RPS6KA1: variants seen among roughly 807,000 people sequenced by gnomAD.
The protein encoded by RPS6KA1 is ribosomal protein S6 kinase A1.
A neutral mutation model predicts 91.3 loss-of-function variants in RPS6KA1; 48 were observed. The ratio of observed to expected loss-of-function variants is 0.53; its 90% CI spans 0.42 to 0.67. The LOEUF (loss-of-function observed/expected upper bound fraction) is 0.67, where lower values mean the gene tolerates loss of function less well. Among genes scored for constraint, RPS6KA1 ranks in the 30% least tolerant of loss-of-function variants. RPS6KA1 has a pLI of 0.00. For missense variants in RPS6KA1, 719 were observed against 960.5 expected (o/e 0.75, Z 3.32); for synonymous variants, 359 against 384.7 (o/e 0.93, Z 0.78).
chr1:26,544,685 A>G (rs1038459141), intron 2 of RPS6KA1, among the ~76,000 whole-genome samples: 9 of 151,782 alleles, frequency 5.9e-5, no homozygotes, highest in Non-Finnish European at 1.2e-4. Flanking sequence ...CGTGTTAGCC[A>G]GGATGGTCTC....
intron 17 of RPS6KA1, among the ~76,000 whole-genome samples, chr1:26,563,659 CAT>C (rs2076173968): frequency 6.6e-6 from 1 of 152,224 alleles, no homozygotes; most frequent in South Asian, 2.1e-4. Context: ...ATGCCACCGA[CAT>C]ATTGTATATG....
intron 1 of RPS6KA1, 63 bp downstream of exon 1, chr1:26,530,046 G>C: frequency 8.5e-7 from 1 of 1,169,692 alleles, no homozygotes; most frequent in Non-Finnish European, 1.1e-6. Flanking sequence ...CACAGGGGCG[G>C]GGCGGCCCGA....
chr1:26,573,492 C>A, intron 21 of RPS6KA1, 131 bp downstream of exon 21: 1 of 1,065,916 alleles, frequency 9.4e-7, no homozygotes, highest in Non-Finnish European at 1.4e-6. Context: ...GAGAAGAAGA[C>A]ACAGCCCTGC....
intron 1 of RPS6KA1, among the ~76,000 whole-genome samples, chr1:26,532,012 A>G (rs909755259): frequency 6.6e-6 from 1 of 152,052 alleles, no homozygotes; most frequent in Non-Finnish European, 1.5e-5. Context: ...AGGCACCACC[A>G]CTGCTGGCAG....
intron 17 of RPS6KA1, among the ~76,000 whole-genome samples, chr1:26,567,044 TC>T (rs1167581362): frequency 6.6e-6 from 1 of 150,450 alleles, no homozygotes; most frequent in African/African-American, 2.5e-5. Context: ...TGAGACAGGG[TC>T]TCACTCTGTC....
intron 15 of RPS6KA1, 76 bp from the exon 16 acceptor site, chr1:26,560,969 C>T (rs567600512): frequency 2.3e-5 from 37 of 1,596,788 alleles, no homozygotes; most frequent in Admixed American, 3.3e-5. Context: ...GCCGAGACCT[C>T]CTGGCCTGCT....
intron 6 of RPS6KA1, among the ~76,000 whole-genome samples, chr1:26,552,243 C>T (rs1432376774): frequency 6.6e-6 from 1 of 151,810 alleles, no homozygotes; most frequent in Non-Finnish European, 1.5e-5. Context: ...CAAAAATTAG[C>T]TGGGTATGGT....
intron 19 of RPS6KA1, 70 bp from the exon 20 acceptor site, chr1:26,572,106 C>A: frequency 1.4e-6 from 2 of 1,403,824 alleles, no homozygotes; most frequent in Non-Finnish European, 2.0e-6. Context: ...GAGACACAGT[C>A]TCCCACCGCA....
At chr1:26,550,368 G>C (rs752540560) in intron 4 of RPS6KA1, among the ~76,000 whole-genome samples, 18 of 151,642 alleles carry the variant, frequency 1.2e-4, no homozygotes, top group Non-Finnish European at 1.8e-4. Context: ...TTTTTTACTA[G>C]AGACAGGGTT....
intron 1 of RPS6KA1, among the ~76,000 whole-genome samples, chr1:26,531,915 G>A (rs1166194010): frequency 1.3e-5 from 2 of 152,180 alleles, no homozygotes; most frequent in Non-Finnish European, 2.9e-5. Flanking sequence ...CACGGCGCAG[G>A]TTGGGCTGTT....
Position 26,571,686 on chromosome 1 carries a change from A to G in RPS6KA1, c.1752+76A>G. 1 of 1,546,776 alleles carries G rather than the reference A, an allele frequency of 6.5e-7. No homozygotes were observed. Among genetic ancestry groups the G allele is most frequent in the Non-Finnish European group, 8.8e-7 (1 of 1,138,678 alleles). ...TTGTGCCCCCTCCCAGAGGCCCCAC[A>G]TTAGCCGGGACTCCAGTCTCTGTGA... is the stretch of plus-strand genomic sequence containing the variant. On this transcript the variant is annotated intron_variant, in intron 18 of 21. Coordinates refer to ENST00000374168, the MANE Select transcript of RPS6KA1 (RefSeq NM_002953.4). The surrounding 1 kb of genome is among the most constrained non-coding windows in gnomAD (Gnocchi z 5.1).
chr1:26,557,142 G>A, intron 13 of RPS6KA1, 42 bp downstream of exon 13: 1 of 1,535,116 alleles, frequency 6.5e-7, no homozygotes, highest in Non-Finnish European at 9.0e-7. Context: ...GCTGGTACAG[G>A]AGGGAAGCCG....
intron 6 of RPS6KA1, among the ~76,000 whole-genome samples, chr1:26,552,564 G>T (rs1260046720): frequency 6.4e-5 from 9 of 141,602 alleles, no homozygotes; most frequent in Non-Finnish European, 1.2e-4. Flanking sequence ...TCAGCTCACT[G>T]CAACCTCCGC....
At position 26,536,967 on chromosome 1, in the gene RPS6KA1, A is replaced by G; in HGVS notation, c.106A>G (p.Lys36Glu). 6.2e-7 allele frequency: 1 copy of G among 1,614,158 alleles called. No individual in the cohort carries two copies. The highest frequency in any genetic ancestry group is 8.5e-7 in the Non-Finnish European group (1 of 1,179,984). ...GGAAGAAGCTGGACTTCAGCCGTCC[A>G]AGGTGAGGACCATGGCCAGCACCCT... ...SGEEAGLQPS[K>E]DEGVLKEISI... The change falls in exon 2 of 22, where the codon AAG (lysine) becomes GAG (glutamate). Residue 36 changes from lysine to glutamate, a missense_variant and splice_region_variant. This residue lies in a region of RPS6KA1 where 57 missense variants were observed against 55.8 expected (regional missense o/e 1.02). Coordinates refer to ENST00000374168, the MANE Select transcript of RPS6KA1 (RefSeq NM_002953.4).
intron 20 of RPS6KA1, among the ~76,000 whole-genome samples, chr1:26,572,663 GAC>G (rs1192598881): frequency 2.6e-5 from 4 of 152,324 alleles, no homozygotes; most frequent in African/African-American, 9.6e-5. Context: ...GGACCGTGGA[GAC>G]ACAGAGCAGA....
At chr1:26,556,756 C>T (rs1420491945) in intron 12 of RPS6KA1, 38 bp downstream of exon 12, 1 of 1,608,876 alleles carries the variant, frequency 6.2e-7, no homozygotes, top group Admixed American at 1.7e-5. Flanking sequence ...CTGGCCAGGG[C>T]TCAGCCATCT....
chr1:26,559,015 A>G, intron 14 of RPS6KA1, 78 bp downstream of exon 14: 1 of 1,532,508 alleles, frequency 6.5e-7, no homozygotes, highest in East Asian at 2.3e-5. Flanking sequence ...AGTTGGACAG[A>G]ACCAGGTTCA....
In RPS6KA1 at chr1:26,554,307, GAT is replaced by G; in HGVS notation, c.613+58_613+59del. 6.6e-7 allele frequency: 1 copy of G among 1,523,238 alleles called. No individual in the cohort carries two copies. The highest frequency in any genetic ancestry group is 8.9e-7 in the Non-Finnish European group (1 of 1,122,472). The allele number at this position is 1,523,238 out of a possible 1,614,324, so 94.4% of individuals were successfully genotyped here. On this transcript the variant is annotated intron_variant, in intron 8 of 21. Coordinates refer to ENST00000374168, the MANE Select transcript of RPS6KA1 (RefSeq NM_002953.4). The surrounding 1 kb of genome is among the most constrained non-coding windows in gnomAD (Gnocchi z 4.6). ...CCAGGGGAGGACAGGACAAGGTCAT[GAT>G]AGGTCTCGGCTGAGTGCTGGGGGCT...
rs11546000 is a variant in RPS6KA1, at chr1:26,571,499, C to T, written c.1641C>T (p.Ser547=). The change falls in exon 18 of 22, where the codon TCC becomes TCT. Residue 547 remains serine, a synonymous_variant. Transcript: ENST00000374168. This position sits in a 1 kb window ranked among gnomAD's most constrained non-coding sequence, Gnocchi z 5.1. ...GCAACATCCTGTATGTGGACGAGTCCGGGAATCCCGAGTGCCTGCGCATCT... is the reference window on the plus strand; with the variant it reads ...GCAACATCCTGTATGTGGACGAGTCTGGGAATCCCGAGTGCCTGCGCATCT... ...KPSNILYVDE[S]GNPECLRICD... The T allele has an allele frequency of 1.7e-3, 2,781 of 1,614,134 alleles. 75 individuals carry two copies. In the East Asian group the frequency reaches 0.054, roughly 31 times the overall value.
Sources: gnomAD v4.1 joint callset for allele counts (sites outside exome capture counted in the v4.1 genomes callset) on GRCh38, gnomAD v4.1.1 for gene constraint, gnomAD v4.1.1 regional missense constraint, Gnocchi (gnomAD v3.1) non-coding constraint, MANE v1.5 for transcripts, NCBI Gene and HGNC (gene_info 2026-07-23, HGNC 2026-07-21) for gene names.